Variants in FAF1 observed in about 807,000 individuals in gnomAD.
The protein encoded by FAF1 is FAS-associated factor 1.
In FAF1, 25 loss-of-function variants were observed where a neutral mutation model predicts 92.5. That is an observed-to-expected ratio of 0.27 (90% confidence interval 0.20 to 0.38). FAF1 has a LOEUF of 0.38. FAF1 is among the 10% of genes least tolerant of loss of function. The probability of loss-of-function intolerance (pLI) is 1.00; values close to 1 mark genes in which losing one functional copy is unlikely to be tolerated. For missense variants in FAF1, 636 were observed against 793.3 expected (o/e 0.80, Z 2.38); for synonymous variants, 234 against 273.2 (o/e 0.86, Z 1.42).
chr1:50,487,406 T>C (rs960554171), intron 17 of FAF1, among the ~76,000 whole-genome samples: 2 of 152,236 alleles, frequency 1.3e-5, no homozygotes, highest in Non-Finnish European at 2.9e-5. Flanking sequence ...TCTTTGGCAT[T>C]ATCTTCCTTT....
chr1:50,869,764 C>G (rs775891778), intron 1 of FAF1, among the ~76,000 whole-genome samples: 2 of 152,000 alleles, frequency 1.3e-5, no homozygotes, highest in Non-Finnish European at 2.9e-5. Context: ...TTTATAAAAT[C>G]CAATCTATTC....
At chr1:50,917,309 T>G (rs1426558237) in intron 1 of FAF1, among the ~76,000 whole-genome samples, 1 of 152,136 alleles carries the variant, frequency 6.6e-6, no homozygotes, top group East Asian at 1.9e-4. Flanking sequence ...CAAGATGGTA[T>G]AAGATCCTGA....
chr1:50,679,283 C>T (rs930851784), intron 7 of FAF1, among the ~76,000 whole-genome samples: 2 of 150,260 alleles, frequency 1.3e-5, no homozygotes, highest in African/African-American at 4.9e-5. Flanking sequence ...ATGGAGTAAC[C>T]ATTCTTTATT....
At chr1:50,450,233 GT>G in intron 18 of FAF1, among the ~76,000 whole-genome samples, 1 of 151,562 alleles carries the variant, frequency 6.6e-6, no homozygotes, top group South Asian at 2.1e-4. Context: ...TTGGTGTTAG[GT>G]GCTAGGCACT....
At chr1:50,767,887 A>T (rs1660638476) in intron 4 of FAF1, among the ~76,000 whole-genome samples, 1 of 152,196 alleles carries the variant, frequency 6.6e-6, no homozygotes, top group Non-Finnish European at 1.5e-5. Flanking sequence ...CAATTACACA[A>T]TCAAGTCTGC....
chr1:50,645,128 C>T (rs1654524527), intron 8 of FAF1, among the ~76,000 whole-genome samples: 2 of 152,106 alleles, frequency 1.3e-5, no homozygotes, highest in Admixed American at 1.3e-4. Context: ...GGCAATGAAC[C>T]CTCTGAAGCT....
chr1:50,598,652 T>C (rs950706832), intron 8 of FAF1, among the ~76,000 whole-genome samples: 4 of 152,224 alleles, frequency 2.6e-5, no homozygotes, highest in African/African-American at 9.6e-5. Flanking sequence ...CAGTATTTAG[T>C]GTTAAGAACA....
At chr1:50,677,266 A>G (rs1656162426) in intron 7 of FAF1, among the ~76,000 whole-genome samples, 1 of 152,218 alleles carries the variant, frequency 6.6e-6, no homozygotes, top group Non-Finnish European at 1.5e-5. Flanking sequence ...ACTTGTGTAT[A>G]TTCTAACATG....
At chr1:50,507,294 G>A (rs1647071183) in intron 15 of FAF1, among the ~76,000 whole-genome samples, 1 of 152,194 alleles carries the variant, frequency 6.6e-6, no homozygotes, top group South Asian at 2.1e-4. Context: ...TCAGATATTT[G>A]ATAATTTAAA....
At chr1:50,533,773 A>G (rs921380490) in intron 15 of FAF1, among the ~76,000 whole-genome samples, 1 of 152,222 alleles carries the variant, frequency 6.6e-6, no homozygotes, top group African/African-American at 2.4e-5. Flanking sequence ...AATCTTACCA[A>G]TATCTGTGAA....
chr1:50,907,849 G>GT (rs966131182), intron 1 of FAF1, among the ~76,000 whole-genome samples: 11 of 151,858 alleles, frequency 7.2e-5, no homozygotes, highest in Non-Finnish European at 4.4e-5. Context: ...TTTTTTGAAG[G>GT]TTTTTTTGTG....
rs1488673051 is a variant in FAF1 at position 50,922,469 on chromosome 1, A to G, written c.45+37298T>C. Among the ~76,000 whole-genome samples the G allele has an allele frequency of 4.1e-4, 61 of 147,184 alleles. 1 individual carries two copies. Among genetic ancestry groups the G allele is most frequent in the Non-Finnish European group, 1.5e-4 (10 of 66,848 alleles). ...GTAAGACTCTGCCTCAAAAAAAAAA[A>G]AAAAAAAAAAAAAGAAAAGAGAGAG... On this transcript the variant is annotated intron_variant, in intron 1 of 18. Coordinates refer to ENST00000396153, the MANE Select transcript of FAF1 (RefSeq NM_007051.3).
At chr1:50,682,187 T>C (rs911561152) in intron 7 of FAF1, among the ~76,000 whole-genome samples, 4 of 151,984 alleles carry the variant, frequency 2.6e-5, no homozygotes, top group African/African-American at 7.2e-5. Context: ...CCTCTAGAGA[T>C]AGAGGGTACT....
chr1:50,729,681 A>G (rs1459210399), intron 6 of FAF1, among the ~76,000 whole-genome samples: 1 of 147,968 alleles, frequency 6.8e-6, no homozygotes, highest in Non-Finnish European at 1.5e-5. Flanking sequence ...TGCTGGGATT[A>G]CAGGTGTGAG....
chr1:50,958,314 C>T (rs1645286528), intron 1 of FAF1, among the ~76,000 whole-genome samples: 3 of 152,100 alleles, frequency 2.0e-5, no homozygotes, highest in South Asian at 4.1e-4. Context: ...ATTCCTAATA[C>T]CTGTATATCA....
intron 7 of FAF1, among the ~76,000 whole-genome samples, chr1:50,694,151 G>C (rs956717402): frequency 7.5e-5 from 11 of 147,574 alleles, no homozygotes; most frequent in Non-Finnish European, 1.3e-4. Context: ...TCCTTGTTTA[G>C]GATATGAGGA....
At chr1:50,850,607 ATAAC>A (rs1269000617) in intron 2 of FAF1, among the ~76,000 whole-genome samples, 2 of 152,124 alleles carry the variant, frequency 1.3e-5, no homozygotes, top group African/African-American at 4.8e-5. Flanking sequence ...ATATTAAAAA[ATAAC>A]TAAAGCATCA....
chr1:50,881,570 T>C (rs577424853), intron 1 of FAF1, among the ~76,000 whole-genome samples: 134 of 152,306 alleles, frequency 8.8e-4, no homozygotes, highest in African/African-American at 3.2e-3. Flanking sequence ...CATATTATGA[T>C]ACAGAGGATA....
rs1004967870 is a variant in FAF1 at position 50,567,146 on chromosome 1, A to C, written c.1199T>G (p.Ile400Ser). 1.2e-6 allele frequency: 2 copies of C among 1,610,730 alleles called. No homozygotes were observed. Among genetic ancestry groups the C allele is most frequent in the African/African-American group, 2.7e-5 (2 of 74,988 alleles). ...FCSQMLCAES[I>S]VSYLSQNFIT... ...AAAATTTTGACTCAGATAAGAAACA[A>C]TGGATTCAGCACAAAGCATTTGTGA... is the stretch of plus-strand genomic sequence containing the variant. The change falls in exon 13 of 19, where the codon ATT (isoleucine) becomes AGT (serine). Residue 400 changes from isoleucine to serine, a missense_variant. Physicochemically the swap from Ile to Ser is moderately radical, Grantham distance 142 (BLOSUM62 -2). Transcript: ENST00000396153.
Sources: gnomAD v4.1 joint callset for allele counts (sites outside exome capture counted in the v4.1 genomes callset) on GRCh38, gnomAD v4.1.1 for gene constraint, MANE v1.5 for transcripts, NCBI Gene and HGNC (gene_info 2026-07-23, HGNC 2026-07-21) for gene names.